MMEL1: variants seen among roughly 807,000 people sequenced by gnomAD.
MMEL1 encodes membrane metalloendopeptidase like 1, also known as membrane metallo-endopeptidase-like 1.
Under a neutral mutation model 117.1 loss-of-function variants are expected in MMEL1, and 98 were observed. The observed-to-expected ratio is 0.84, with a 90% confidence interval of 0.71 to 0.99. MMEL1 has a LOEUF of 0.99. Ranked by LOEUF, MMEL1 falls within the 50% of genes least tolerant of loss-of-function variation. MMEL1 has a pLI of 0.00. For synonymous variants in MMEL1, 390 were observed against 415.1 expected, an observed-to-expected ratio of 0.94 and a Z score of 0.74; for missense variants, 1,014 against 1,049.1, an observed-to-expected ratio of 0.97 and a Z score of 0.46.
At chr1:2,593,728 G>A (rs1644782006) in intron 19 of MMEL1, 86 bp downstream of exon 19, 3 of 1,462,478 alleles carry the variant, frequency 2.1e-6, no homozygotes, top group South Asian at 1.5e-5. Context: ...CCGTGAAGGG[G>A]TTGAATGGAG....
At position 2,591,942 on chromosome 1, in the gene MMEL1, T is replaced by G. The variant is rs770203868; in HGVS notation, c.2153A>C (p.Asn718Thr). The change falls in exon 22 of 24, where the codon AAC (asparagine) becomes ACC (threonine). Residue 718 changes from asparagine to threonine, a missense_variant. Transcript: ENST00000378412. ...DLTHEQLFFINYAQVWCGSYR... is the reference protein window; with the variant it reads ...DLTHEQLFFITYAQVWCGSYR... ...GACTGCGGCTGCCACCTGGGCATAG[T>G]TGATGAAGAAGAGCTGCTCATGGGT... The G allele has an allele frequency of 6.2e-7, 1 of 1,613,298 alleles. No homozygotes were observed. Among genetic ancestry groups the G allele is most frequent in the Non-Finnish European group, 8.5e-7 (1 of 1,179,760 alleles).
At chr1:2,613,904 G>C (rs1272357539) in intron 2 of MMEL1, among the ~76,000 whole-genome samples, 5 of 152,158 alleles carry the variant, frequency 3.3e-5, no homozygotes, top group African/African-American at 4.8e-5. Flanking sequence ...GCTACATACT[G>C]TCTGATTCCA....
rs1390543765 is a variant in MMEL1, at chr1:2,590,865, T to TGGCA, written c.*121_*124dup. On this transcript the variant is annotated 3_prime_UTR_variant, in exon 24 of 24. Transcript: ENST00000378412. ...GCACCCTAGGCCAGGCGCAGAGGCC[T>TGGCA]GGCAGGCAGGCTTGGCATGGTTGGC... 1 of 718,356 alleles carries TGGCA rather than the reference T, an allele frequency of 1.4e-6. No individual in the cohort carries two copies. The highest frequency in any genetic ancestry group is 2.0e-6 in the Non-Finnish European group (1 of 490,308). The allele number at this position is 718,356 out of a possible 1,614,324, so 44.5% of individuals were successfully genotyped here.
intron 8 of MMEL1, 74 bp from the exon 9 acceptor site, chr1:2,605,697 C>A (rs867217905): frequency 8.8e-7 from 1 of 1,134,548 alleles, no homozygotes; most frequent in Admixed American, 1.9e-5. Context: ...AGGCTGCAGC[C>A]GCCTCCCCAC....
intron 14 of MMEL1, 87 bp from the exon 15 acceptor site, chr1:2,596,194 G>A: frequency 1.6e-6 from 2 of 1,250,798 alleles, no homozygotes; most frequent in Non-Finnish European, 2.3e-6. Flanking sequence ...TCTGGTCTGA[G>A]CCCCGCCGGG....
Position 2,612,319 on chromosome 1 carries a change from A to C in MMEL1, c.155-115T>G. The C allele has an allele frequency of 1.2e-6, 1 of 818,444 alleles. No individual in the cohort carries two copies. The highest frequency in any genetic ancestry group is 2.0e-6 in the Non-Finnish European group (1 of 508,816). 50.7% of individuals were successfully genotyped at this position (818,444 alleles called of 1,614,324 possible). The stretch of plus-strand genomic sequence containing the variant: ...CCACAGTGCTGGGTGCTGCAGCCCT[A>C]CCCCTGTAGTGAGGGCTGGTCCCCA... On this transcript the variant is annotated intron_variant, in intron 2 of 23. Transcript: ENST00000378412. This position sits in a 1 kb window ranked among gnomAD's most constrained non-coding sequence, Gnocchi z 5.4.
chr1:2,606,431 G>A (rs570773309), intron 7 of MMEL1, 65 bp from the exon 8 acceptor site: 23 of 1,264,942 alleles, frequency 1.8e-5, no homozygotes, highest in Middle Eastern at 2.0e-4. Flanking sequence ...GCCCCTTGTC[G>A]GTGAATCTGG....
At position 2,606,963 on chromosome 1, in the gene MMEL1, C is replaced by A. The variant is rs368184315; in HGVS notation, c.631+11G>T. 1.2e-6 allele frequency: 2 copies of A among 1,610,252 alleles called. No individual in the cohort carries two copies. Among genetic ancestry groups the A allele is most frequent in the Middle Eastern group, 1.7e-4 (1 of 6,018 alleles). ...GTCTGTCTGTGAGGCTGCTGCCAGG[C>A]CCGGCCTTACCTACGGTCTCGTTCC... On this transcript the variant is annotated intron_variant, in intron 7 of 23. Transcript: ENST00000378412.
In MMEL1 at chr1:2,609,830, A is replaced by C; in HGVS notation, c.294T>G (p.Ala98=). ...VCTTPGCVIA[A]ARILQNMDPT... ...GGTCCATGTTCTGGAGGATCCTGGC[A>C]GCTGCTCGTCCCCATGGCGTGGAGC... The change falls in exon 5 of 24, where the codon GCT becomes GCG. Residue 98 remains alanine (A), a splice_region_variant and synonymous_variant. Coordinates refer to ENST00000378412, the MANE Select transcript of MMEL1 (RefSeq NM_033467.4). 1 of 1,604,192 alleles carries C rather than the reference A, an allele frequency of 6.2e-7. No individual in the cohort carries two copies. The highest frequency in any genetic ancestry group is 1.1e-5 in the South Asian group (1 of 89,144).
At chr1:2,619,664 A>C (rs1351133985) in intron 2 of MMEL1, among the ~76,000 whole-genome samples, 1 of 152,082 alleles carries the variant, frequency 6.6e-6, no homozygotes, top group Non-Finnish European at 1.5e-5. Context: ...TCAAAAAAAA[A>C]AAAAAAAAAA....
rs764528660 is a variant in MMEL1 at position 2,595,242 on chromosome 1, G to A, written c.1584+34C>T. 5.7e-6 allele frequency: 9 copies of A among 1,580,752 alleles called. No individual in the cohort carries two copies. Among genetic ancestry groups the A allele is most frequent in the Admixed American group, 1.7e-5 (1 of 59,632 alleles). On this transcript the variant is annotated intron_variant, in intron 16 of 23. Coordinates refer to ENST00000378412, the MANE Select transcript of MMEL1 (RefSeq NM_033467.4). The surrounding 1 kb of genome is among the most constrained non-coding windows in gnomAD (Gnocchi z 4.8). ...CAATCAGGGCCCATGTCCACGGTGTGGGGGGCAGTTTAGGGCTGGGGTTGG... is the reference window on the plus strand; with the variant it reads ...CAATCAGGGCCCATGTCCACGGTGTAGGGGGCAGTTTAGGGCTGGGGTTGG...
intron 2 of MMEL1, among the ~76,000 whole-genome samples, chr1:2,625,592 G>A (rs1638240754): frequency 1.3e-5 from 2 of 152,224 alleles, no homozygotes; most frequent in South Asian, 2.1e-4. Context: ...ATCTTCTGCA[G>A]TTAACTGCTC....
Position 2,612,089 on chromosome 1 carries a change from C to T in MMEL1, c.232+38G>A, listed in dbSNP as rs1038347521. 1.3e-6 allele frequency: 2 copies of T among 1,538,304 alleles called. No homozygotes were observed. The highest frequency in any genetic ancestry group is 1.8e-6 in the Non-Finnish European group (2 of 1,132,080). On this transcript the variant is annotated intron_variant, in intron 3 of 23. Coordinates refer to ENST00000378412, the MANE Select transcript of MMEL1 (RefSeq NM_033467.4). The surrounding 1 kb of genome is among the most constrained non-coding windows in gnomAD (Gnocchi z 5.4). ...CCCACCTTGGGAGGCCAGCGCCCAC[C>T]TGCCTGGGGCTGTTTTGGAAGGGAA...
Position 2,612,521 on chromosome 1 carries a change from C to A in MMEL1, c.155-317G>T, listed in dbSNP as rs916970731. 8.5e-5 allele frequency among the ~76,000 whole-genome samples: 13 copies of A among 152,176 alleles called. No individual in the cohort carries two copies. Among genetic ancestry groups the A allele is most frequent in the African/African-American group, 1.4e-4 (6 of 41,438 alleles). On this transcript the variant is annotated intron_variant, in intron 2 of 23. Coordinates refer to ENST00000378412, the MANE Select transcript of MMEL1 (RefSeq NM_033467.4). This position sits in a 1 kb window ranked among gnomAD's most constrained non-coding sequence, Gnocchi z 5.4. ...GGCCTAGAGGGGTCCTGAGGTGAGACCTTCCTCTTCCCGACAGCCTCCTCT... is the reference window on the plus strand; with the variant it reads ...GGCCTAGAGGGGTCCTGAGGTGAGAACTTCCTCTTCCCGACAGCCTCCTCT...
rs201230451 is a variant in MMEL1, at chr1:2,592,841, C to G, written c.1993G>C (p.Glu665Gln). 1 of 1,613,562 alleles carries G rather than the reference C, an allele frequency of 6.2e-7. No individual in the cohort carries two copies. The highest frequency in any genetic ancestry group is 1.7e-5 in the Admixed American group (1 of 60,004). Residue 665 changes from glutamate (E) to glutamine (Q), a missense_variant, in exon 20 of 24, where the codon GAA becomes CAA. Coordinates refer to ENST00000378412, the MANE Select transcript of MMEL1 (RefSeq NM_033467.4). ...CTGGTGGCAGCGCTCACGTTCTGTT[C>G]GTCTGCCAGGTCCCAGGAGTAGTTG... is the stretch of plus-strand genomic sequence containing the variant. ...YGNYSWDLAD[E>Q]QNVNGFNTLG...
rs139730270 is a variant in MMEL1, at chr1:2,609,785, G to A, written c.339C>T (p.Asp113=). 13 of 1,613,694 alleles carry A rather than the reference G, an allele frequency of 8.1e-6. No homozygotes were observed. The African/African-American group carries it at 9.3e-5, about 12-fold the overall frequency. ...QNMDPTTEPC[D]DFYQFACGGW... ...CTCCGCATGCAAACTGGTAGAAGTC[G>A]TCACACGGTTCCGTGGTCGGGTCCA... Residue 113 remains aspartate (D), a synonymous_variant, in exon 5 of 24, where the codon GAC becomes GAT. Transcript: ENST00000378412.
chr1:2,617,309 C>A (rs1021100074), intron 2 of MMEL1, among the ~76,000 whole-genome samples: 1 of 151,824 alleles, frequency 6.6e-6, no homozygotes, highest in Non-Finnish European at 1.5e-5. Context: ...CGCCTGTAGT[C>A]CCAGCTACTC....
intron 2 of MMEL1, among the ~76,000 whole-genome samples, chr1:2,621,698 G>C (rs1013417273): frequency 1.3e-5 from 2 of 152,094 alleles, no homozygotes; most frequent in Non-Finnish European, 2.9e-5. Flanking sequence ...CGAGTAGCTG[G>C]GATTACAGGC....
At chr1:2,596,446 G>A (rs1298388325) in intron 14 of MMEL1, 115 bp downstream of exon 14, 1 of 1,423,730 alleles carries the variant, frequency 7.0e-7, no homozygotes, top group Non-Finnish European at 9.5e-7. Flanking sequence ...CCCTCTGTCT[G>A]GTGAGCTGGG....
Sources: gnomAD v4.1 joint callset for allele counts (sites outside exome capture counted in the v4.1 genomes callset) on GRCh38, gnomAD v4.1.1 for gene constraint, Gnocchi (gnomAD v3.1) non-coding constraint, MANE v1.5 for transcripts, NCBI Gene and HGNC (gene_info 2026-07-23, HGNC 2026-07-21) for gene names.